ALG6: variants seen among roughly 807,000 people sequenced by gnomAD.
The protein encoded by ALG6 is dolichyl pyrophosphate Man9GlcNAc2 alpha-1,3-glucosyltransferase.
Under a neutral mutation model 66.6 loss-of-function variants are expected in ALG6, and 46 were observed. That is an observed-to-expected ratio of 0.69 (90% confidence interval 0.55 to 0.88). ALG6 has a LOEUF of 0.88. Ranked by LOEUF, ALG6 falls within the 40% of genes least tolerant of loss-of-function variation. The probability of loss-of-function intolerance (pLI) is 0.00; values close to 1 mark genes in which losing one functional copy is unlikely to be tolerated. For synonymous variants in ALG6, 185 were observed against 203.7 expected (o/e 0.91, Z 0.78); for missense variants, 505 against 586.8 (o/e 0.86, Z 1.44).
At chr1:63,415,728 T>TAAAA in intron 10 of ALG6, 145 bp from the exon 11 acceptor site, 1 of 532,070 alleles carries the variant, frequency 1.9e-6, no homozygotes, top group Non-Finnish European at 3.3e-6. Context: ...ATTTCATCTT[T>TAAAA]AAATTTAATA....
At chr1:63,412,160 C>T (rs1379324959) in intron 9 of ALG6, 99 bp downstream of exon 9, 2 of 1,523,456 alleles carry the variant, frequency 1.3e-6, no homozygotes, top group Admixed American at 3.3e-5. Flanking sequence ...ACTTCAGCTA[C>T]TTTCCTCCTG....
chr1:63,423,031 T>TTC (rs929983619), intron 12 of ALG6, among the ~76,000 whole-genome samples: 2 of 151,378 alleles, frequency 1.3e-5, no homozygotes, highest in African/African-American at 4.9e-5. Flanking sequence ...GCAATTTTTT[T>TTC]TTTTTTTTTT....
At chr1:63,410,314 G>A (rs1451390518) in intron 7 of ALG6, among the ~76,000 whole-genome samples, 1 of 152,122 alleles carries the variant, frequency 6.6e-6, no homozygotes. Flanking sequence ...GAGTGCAGTG[G>A]CATGATCATA....
At chr1:63,387,208 G>A (rs190991752) in intron 2 of ALG6, among the ~76,000 whole-genome samples, 61 of 152,194 alleles carry the variant, frequency 4.0e-4, no homozygotes, top group African/African-American at 1.5e-3. Context: ...TCTATCGTAT[G>A]GTCTATCTGT....
chr1:63,370,676 C>G, intron 1 of ALG6, 95 bp from the exon 2 acceptor site: 3 of 348,142 alleles, frequency 8.6e-6, no homozygotes, highest in Non-Finnish European at 1.6e-5. Flanking sequence ...ACTACCCCTC[C>G]CCTCGAATTC....
Position 63,411,307 on chromosome 1 carries a change from T to C in ALG6, c.656T>C (p.Phe219Ser), listed in dbSNP as rs768216435. ...TTTTGCTTTTTACTTGGCAAGTGTTTTAAAAAAGGCCTCAAAGGAAAGGGG... is the reference window on the plus strand; with the variant it reads ...TTTTGCTTTTTACTTGGCAAGTGTTCTAAAAAAGGCCTCAAAGGAAAGGGG... Reference protein sequence around the residue: ...PFFCFLLGKCFKKGLKGKGFV... With the variant: ...PFFCFLLGKCSKKGLKGKGFV... The change falls in exon 8 of 15, where the codon TTT (phenylalanine) becomes TCT (serine). Residue 219 changes from phenylalanine (F) to serine (S), a missense_variant. Phe to Ser is a radical substitution (Grantham distance 155). Coordinates refer to ENST00000263440, the MANE Select transcript of ALG6 (RefSeq NM_013339.4). 5.0e-6 allele frequency: 8 copies of C among 1,613,692 alleles called. No individual in the cohort carries two copies. The Admixed American group carries it at 8.3e-5, about 17-fold the overall frequency.
At chr1:63,398,827 G>A (rs1644427354) in intron 3 of ALG6, among the ~76,000 whole-genome samples, 1 of 152,104 alleles carries the variant, frequency 6.6e-6, no homozygotes, top group Non-Finnish European at 1.5e-5. Flanking sequence ...CCCCGTGTTT[G>A]TAGTGGATAA....
At chr1:63,376,723 C>T (rs1297935483) in intron 2 of ALG6, among the ~76,000 whole-genome samples, 4 of 152,086 alleles carry the variant, frequency 2.6e-5, no homozygotes, top group African/African-American at 9.7e-5. Flanking sequence ...TGAAACTTGA[C>T]CTAGTATGTA....
chr1:63,409,910 AT>A (rs1485945628), intron 7 of ALG6, among the ~76,000 whole-genome samples: 1 of 152,172 alleles, frequency 6.6e-6, no homozygotes, highest in African/African-American at 2.4e-5. Context: ...CTTCAGAAAA[AT>A]ATGCCCTCTT....
chr1:63,388,777 G>A (rs1047887773), intron 2 of ALG6, among the ~76,000 whole-genome samples: 2 of 152,180 alleles, frequency 1.3e-5, no homozygotes, highest in East Asian at 3.8e-4. Flanking sequence ...AAATCCCTCA[G>A]CGTTTTTGTC....
At chr1:63,382,755 A>C (rs1648370059) in intron 2 of ALG6, among the ~76,000 whole-genome samples, 2 of 143,488 alleles carry the variant, frequency 1.4e-5, no homozygotes, top group Non-Finnish European at 3.0e-5. Context: ...GGCTCACTGC[A>C]AGCTCTGCCT....
intron 12 of ALG6, among the ~76,000 whole-genome samples, chr1:63,425,054 A>G (rs1644608096): frequency 6.6e-6 from 1 of 152,218 alleles, no homozygotes; most frequent in Admixed American, 6.5e-5. Flanking sequence ...TGCTGGGATT[A>G]CAGGCGTGAG....
At chr1:63,427,653 C>A (rs931663488) in intron 12 of ALG6, among the ~76,000 whole-genome samples, 1 of 151,900 alleles carries the variant, frequency 6.6e-6, no homozygotes, top group African/African-American at 2.4e-5. Flanking sequence ...AAAGGGCAAA[C>A]ATGGGGACCA....
At chr1:63,436,770 C>A in intron 14 of ALG6, 53 bp from the exon 15 acceptor site, 1 of 1,530,814 alleles carries the variant, frequency 6.5e-7, no homozygotes, top group Non-Finnish European at 9.0e-7. Context: ...ATGTTTCCAG[C>A]ACATTTAAAT....
At chr1:63,426,424 G>C (rs551950545) in intron 12 of ALG6, among the ~76,000 whole-genome samples, 22 of 152,296 alleles carry the variant, frequency 1.4e-4, no homozygotes, top group Admixed American at 1.4e-3. Context: ...TAAAGGGAGG[G>C]GTTCAGAGAA....
Position 63,438,471 on chromosome 1 carries a change from T to G in ALG6, c.*1451T>G, listed in dbSNP as rs1272801484. On this transcript the variant is annotated 3_prime_UTR_variant, in exon 15 of 15. Coordinates refer to ENST00000263440, the MANE Select transcript of ALG6 (RefSeq NM_013339.4). ...ATAGAATGTTGACTTAGATAAATGA[T>G]GAGGAAGTTATAAATAATTGGAGTA... 6.6e-6 allele frequency: 1 copy of G among 152,166 alleles called. No homozygotes were observed. Among genetic ancestry groups the G allele is most frequent in the Non-Finnish European group, 1.5e-5 (1 of 68,032 alleles). 9.4% of individuals were successfully genotyped at this position (152,166 alleles called of 1,614,324 possible). A position where few individuals can be genotyped will look rare whatever the true frequency, so the allele number is the denominator to read the frequency against.
intron 2 of ALG6, among the ~76,000 whole-genome samples, chr1:63,389,575 C>G (rs141627019): frequency 6.6e-6 from 1 of 152,308 alleles, no homozygotes; most frequent in African/African-American, 2.4e-5. Context: ...AGATTGGTTG[C>G]TGGTGCCTTA....
intron 2 of ALG6, among the ~76,000 whole-genome samples, chr1:63,381,039 G>A (rs552311983): frequency 6.6e-6 from 1 of 152,324 alleles, no homozygotes; most frequent in South Asian, 2.1e-4. Context: ...AAAAATGGTG[G>A]CTGGGCCCAG....
At chr1:63,400,283 G>GTA (rs1344584456) in intron 3 of ALG6, among the ~76,000 whole-genome samples, 3 of 4,020 alleles carry the variant, frequency 7.5e-4, no homozygotes, top group Non-Finnish European at 7.2e-4. Flanking sequence ...ATATATATAC[G>GTA]TATATATATA....
Sources: gnomAD v4.1 joint callset for allele counts (sites outside exome capture counted in the v4.1 genomes callset) on GRCh38, gnomAD v4.1.1 for gene constraint, MANE v1.5 for transcripts, NCBI Gene and HGNC (gene_info 2026-07-23, HGNC 2026-07-21) for gene names.